KCNN2: variants seen among roughly 807,000 people sequenced by gnomAD.
The protein encoded by KCNN2 is potassium calcium-activated channel subfamily N member 2.
In KCNN2, 24 loss-of-function variants were observed where a neutral mutation model predicts 55.5. The ratio of observed to expected loss-of-function variants is 0.43; its 90% CI spans 0.31 to 0.61. The LOEUF (loss-of-function observed/expected upper bound fraction) is 0.61. KCNN2 is among the 20% of genes least tolerant of loss of function. The pLI, the probability that KCNN2 is intolerant of heterozygous loss-of-function variation, is 0.08. For missense variants in KCNN2, 754 were observed against 853.6 expected (o/e 0.88, Z 1.45); for synonymous variants, 431 against 336.1 (o/e 1.28, Z -3.09).
intron 4 of KCNN2, 77 bp from the exon 5 acceptor site, chr5:114,472,977 G>A: frequency 2.5e-6 from 2 of 797,842 alleles, no homozygotes; most frequent in Non-Finnish European, 3.9e-6. Flanking sequence ...TGCATTTGAT[G>A]CAAAACATTT....
intron 2 of KCNN2, among the ~76,000 whole-genome samples, chr5:114,251,073 T>A (rs10053242): frequency 0.8 from 121,644 of 152,194 alleles, 48,910 homozygotes; most frequent in East Asian, 0.9. Context: ...TAATAACAGA[T>A]CCTGGTAATG....
intron 4 of KCNN2, among the ~76,000 whole-genome samples, chr5:114,467,721 C>T (rs1450511800): frequency 1.3e-5 from 2 of 152,020 alleles, no homozygotes; most frequent in Non-Finnish European, 1.5e-5. Context: ...AATATGACAG[C>T]TGCCGTCTTC....
chr5:114,331,848 GATTT>G (rs1454009146), intron 2 of KCNN2, among the ~76,000 whole-genome samples: 1 of 151,992 alleles, frequency 6.6e-6, no homozygotes, highest in African/African-American at 2.4e-5. Context: ...CCTATTGATG[GATTT>G]ACCCTGTTCA....
At chr5:114,097,154 G>A (rs748640197) in intron 1 of KCNN2, among the ~76,000 whole-genome samples, 1 of 152,102 alleles carries the variant, frequency 6.6e-6, no homozygotes, top group Non-Finnish European at 1.5e-5. Context: ...GACATTGTTC[G>A]GGAAATATGC....
chr5:114,138,125 G>A (rs1752207400), intron 1 of KCNN2, among the ~76,000 whole-genome samples: 1 of 151,938 alleles, frequency 6.6e-6, no homozygotes, highest in South Asian at 2.1e-4. Context: ...GCTGTTTATT[G>A]TAAAAAACAA....
intron 1 of KCNN2, among the ~76,000 whole-genome samples, chr5:114,157,654 C>G (rs1752665485): frequency 6.6e-6 from 1 of 152,298 alleles, no homozygotes; most frequent in Middle Eastern, 3.4e-3. Flanking sequence ...TCTCCACATC[C>G]TCTCCAGCAC....
chr5:114,123,894 G>T (rs576523121), intron 1 of KCNN2, among the ~76,000 whole-genome samples: 72 of 152,160 alleles, frequency 4.7e-4, no homozygotes, highest in African/African-American at 1.7e-3. Context: ...CTTACTAATT[G>T]CAATTGTGGG....
intron 3 of KCNN2, among the ~76,000 whole-genome samples, chr5:114,420,983 G>A (rs545165360): frequency 6.6e-6 from 1 of 152,174 alleles, no homozygotes; most frequent in Admixed American, 6.5e-5. Flanking sequence ...AAGACAGTTT[G>A]GGATATGACT....
chr5:114,259,441 C>T (rs1319995927), intron 2 of KCNN2, among the ~76,000 whole-genome samples: 1 of 152,158 alleles, frequency 6.6e-6, no homozygotes, highest in Non-Finnish European at 1.5e-5. Flanking sequence ...TGCCCTGCCA[C>T]TGCCACTCGG....
intron 2 of KCNN2, among the ~76,000 whole-genome samples, chr5:114,341,079 C>T (rs143282307): frequency 2.8e-4 from 42 of 152,196 alleles, no homozygotes; most frequent in South Asian, 1.2e-3. Context: ...TTTCTTTATC[C>T]GGTCATCCAT....
intron 2 of KCNN2, among the ~76,000 whole-genome samples, chr5:114,251,751 T>G (rs898142894): frequency 6.6e-6 from 1 of 152,182 alleles, no homozygotes; most frequent in Admixed American, 6.5e-5. Context: ...TTTCCTCAGA[T>G]AGTGTAGATT....
chr5:114,325,709 CT>C (rs1406803005), intron 2 of KCNN2, among the ~76,000 whole-genome samples: 1 of 152,198 alleles, frequency 6.6e-6, no homozygotes, highest in African/African-American at 2.4e-5. Context: ...CATCTGGTGA[CT>C]CCACAGTGCT....
intron 1 of KCNN2, among the ~76,000 whole-genome samples, chr5:114,171,862 C>G (rs116257786): frequency 0.03 from 4,595 of 151,890 alleles, 248 homozygotes; most frequent in African/African-American, 0.1. Flanking sequence ...TGACTTTGCA[C>G]TCATGTAGCC....
intron 2 of KCNN2, among the ~76,000 whole-genome samples, chr5:114,389,524 TTA>T (rs1305663718): frequency 2.0e-5 from 3 of 152,180 alleles, no homozygotes; most frequent in Non-Finnish European, 4.4e-5. Flanking sequence ...GCTTCATGTT[TTA>T]TATGAGTTAA....
At chr5:114,129,154 G>T (rs1368980792) in intron 1 of KCNN2, among the ~76,000 whole-genome samples, 1 of 152,096 alleles carries the variant, frequency 6.6e-6, no homozygotes, top group African/African-American at 2.4e-5. Flanking sequence ...TTGTTTGTGG[G>T]ATACAGAAAG....
chr5:114,458,158 A>G (rs1247146747), intron 3 of KCNN2, among the ~76,000 whole-genome samples: 2 of 152,236 alleles, frequency 1.3e-5, no homozygotes, highest in East Asian at 3.8e-4. Flanking sequence ...AAGAGAACTG[A>G]TGGTGGATTG....
At chr5:114,125,727 G>T (rs534354784) in intron 1 of KCNN2, among the ~76,000 whole-genome samples, 1 of 152,206 alleles carries the variant, frequency 6.6e-6, no homozygotes, top group South Asian at 2.1e-4. Context: ...ATCAATGATT[G>T]GTTTATTCTG....
chr5:114,262,880 G>A (rs564637752), intron 2 of KCNN2, among the ~76,000 whole-genome samples: 1 of 152,066 alleles, frequency 6.6e-6, no homozygotes, highest in Non-Finnish European at 1.5e-5. Flanking sequence ...AAGAGGGATT[G>A]GCCTAGATAA....
chr5:114,413,348 A>T (rs981744931), intron 3 of KCNN2, among the ~76,000 whole-genome samples: 2 of 152,022 alleles, frequency 1.3e-5, no homozygotes, highest in Non-Finnish European at 2.9e-5. Context: ...GCAGTGGCAC[A>T]ATCTTGGCTC....
Sources: allele counts gnomAD v4.1 joint callset (sites outside exome capture counted in the v4.1 genomes callset), GRCh38; gene constraint gnomAD v4.1.1; transcripts MANE v1.5; gene names NCBI Gene and HGNC (gene_info 2026-07-23, HGNC 2026-07-21).